The following RIMS2 variants were observed in gnomAD, a reference collection of about 807,000 sequenced individuals.
RIMS2 encodes regulating synaptic membrane exocytosis protein 2.
In RIMS2, 59 loss-of-function variants were observed where a neutral mutation model predicts 174.4. The observed-to-expected ratio is 0.34, with a 90% CI of 0.27 to 0.42. The LOEUF is 0.42. Ranked by LOEUF, RIMS2 falls within the 10% of genes least tolerant of loss-of-function variation. The pLI, the probability that RIMS2 is intolerant of heterozygous loss-of-function variation, is 1.00. For synonymous variants in RIMS2, 606 were observed against 572.5 expected, an observed-to-expected ratio of 1.06 and a Z score of -0.84; for missense variants, 1,620 against 1,666.3, an observed-to-expected ratio of 0.97 and a Z score of 0.48.
intron 1 of RIMS2, among the ~76,000 whole-genome samples, chr8:103,593,657 A>AC (rs1401645653): frequency 6.6e-6 from 1 of 151,588 alleles, no homozygotes; most frequent in Non-Finnish European, 1.5e-5. Context: ...ACCTTCTACT[A>AC]AGCTAGACCT....
At chr8:104,123,793 C>CA (rs1479594809) in intron 19 of RIMS2, among the ~76,000 whole-genome samples, 13 of 152,084 alleles carry the variant, frequency 8.5e-5, no homozygotes, top group African/African-American at 2.9e-4. Context: ...AAAATTACTT[C>CA]AAATCTTGTA....
At chr8:103,936,490 A>C (rs1353106821) in intron 12 of RIMS2, 61 bp from the exon 15 acceptor site, 3 of 1,173,588 alleles carry the variant, frequency 2.6e-6, no homozygotes, top group East Asian at 2.7e-5. Context: ...TTAAATTAAA[A>C]AATTTTAGGA....
intron 1 of RIMS2, among the ~76,000 whole-genome samples, chr8:103,550,483 A>G (rs549652035): frequency 1.3e-5 from 2 of 152,320 alleles, no homozygotes; most frequent in South Asian, 4.1e-4. Context: ...TATAGCACTA[A>G]ATGCCCACAA....
chr8:103,527,203 T>C (rs887520957), intron 1 of RIMS2, among the ~76,000 whole-genome samples: 2 of 152,130 alleles, frequency 1.3e-5, no homozygotes, highest in African/African-American at 4.8e-5. Context: ...ATCAGACATA[T>C]AAAGCCAGAG....
intron 2 of RIMS2, among the ~76,000 whole-genome samples, chr8:103,729,826 T>A (rs1417021229): frequency 6.6e-6 from 1 of 152,208 alleles, no homozygotes; most frequent in Non-Finnish European, 1.5e-5. Flanking sequence ...GGAGCATTAT[T>A]TAATTTCCAT....
chr8:104,223,660 G>A (rs1487609946), intron 19 of RIMS2: 1 of 1,588,734 alleles, frequency 6.3e-7, no homozygotes, highest in East Asian at 2.3e-5. Context: ...AGATGGGCCG[G>A]CAGGGCTTGG....
At chr8:103,835,447 AT>A (rs34109506) in intron 3 of RIMS2, among the ~76,000 whole-genome samples, 19,900 of 152,124 alleles carry the variant, frequency 0.13, 1,762 homozygotes, top group Non-Finnish European at 0.2. Context: ...CATTGATTGA[AT>A]TTGGTTAAAA....
chr8:104,048,654 C>T (rs1184836664), intron 19 of RIMS2, among the ~76,000 whole-genome samples: 1 of 151,982 alleles, frequency 6.6e-6, no homozygotes, highest in Non-Finnish European at 1.5e-5. Flanking sequence ...AATAATGGGG[C>T]AATGGCTAAA....
At chr8:103,632,523 C>T (rs35825647) in intron 1 of RIMS2, among the ~76,000 whole-genome samples, 3 of 151,900 alleles carry the variant, frequency 2.0e-5, no homozygotes, top group African/African-American at 2.4e-5. Context: ...CGGGTTCAAG[C>T]GATTCTCCTG....
chr8:103,989,415 G>C, exon 17 of RIMS2: 1 of 1,537,668 alleles, frequency 6.5e-7, no homozygotes, highest in Non-Finnish European at 9.0e-7. Flanking sequence ...TCTCCAGATA[G>C]AGACAGGTAA....
At chr8:104,165,741 T>C (rs937355514) in intron 19 of RIMS2, among the ~76,000 whole-genome samples, 5 of 152,128 alleles carry the variant, frequency 3.3e-5, no homozygotes, top group Non-Finnish European at 7.4e-5. Context: ...TTAGATTCCA[T>C]TTTTATCAAA....
At chr8:104,206,577 A>G (rs1464523645) in intron 19 of RIMS2, among the ~76,000 whole-genome samples, 1 of 152,200 alleles carries the variant, frequency 6.6e-6, no homozygotes, top group Non-Finnish European at 1.5e-5. Flanking sequence ...CTTCGTATTC[A>G]CTGTTAAATG....
intron 19 of RIMS2, among the ~76,000 whole-genome samples, chr8:104,074,086 T>G (rs1432345449): frequency 1.3e-5 from 2 of 152,220 alleles, no homozygotes; most frequent in African/African-American, 4.8e-5. Context: ...AGTGCTAACC[T>G]TAAGTATTTT....
intron 2 of RIMS2, among the ~76,000 whole-genome samples, chr8:103,757,008 TGTGAGA>T (rs148863159): frequency 0.021 from 2,627 of 123,152 alleles, 74 homozygotes; most frequent in African/African-American, 0.077. Flanking sequence ...TGTGTGTGTG[TGTGAGA>T]GAGAGAGAGA....
intron 23 of RIMS2, 56 bp downstream of exon 29, chr8:104,251,219 C>T (rs2099358090): frequency 1.5e-6 from 2 of 1,335,788 alleles, no homozygotes; most frequent in Admixed American, 2.2e-5. Context: ...TGGGGTCAGA[C>T]ATTATACCCC....
intron 19 of RIMS2, among the ~76,000 whole-genome samples, chr8:104,116,472 A>T (rs2098279713): frequency 6.6e-6 from 1 of 152,156 alleles, no homozygotes; most frequent in Non-Finnish European, 1.5e-5. Flanking sequence ...AGGAGAAATT[A>T]AATTAAGCTT....
At chr8:103,826,078 G>A (rs1048256535) in intron 3 of RIMS2, among the ~76,000 whole-genome samples, 1 of 152,094 alleles carries the variant, frequency 6.6e-6, no homozygotes. Context: ...CCTTTGTAAA[G>A]TGTCCAATAT....
chr8:104,100,351 C>G (rs1216725246), intron 19 of RIMS2, among the ~76,000 whole-genome samples: 1 of 151,818 alleles, frequency 6.6e-6, no homozygotes, highest in African/African-American at 2.4e-5. Context: ...TTTGTTGATT[C>G]CTTAGAATTT....
chr8:104,112,592 T>A (rs1450203747), intron 19 of RIMS2, among the ~76,000 whole-genome samples: 1 of 152,224 alleles, frequency 6.6e-6, no homozygotes, highest in African/African-American at 2.4e-5. Context: ...ATTCTGTTGC[T>A]GCTCTAACTA....
Sources: allele counts gnomAD v4.1 joint callset (sites outside exome capture counted in the v4.1 genomes callset), GRCh38; gene constraint gnomAD v4.1.1; transcripts MANE v1.5; gene names NCBI Gene and HGNC (gene_info 2026-07-23, HGNC 2026-07-21).